The following CRHR2 variants were observed in gnomAD, a reference collection of about 807,000 sequenced individuals.
The protein encoded by CRHR2 is corticotropin-releasing hormone receptor 2.
In CRHR2, 53 loss-of-function variants were observed where a neutral mutation model predicts 57.9. That is an observed-to-expected ratio of 0.92 (90% CI 0.73 to 1.15). CRHR2 has a LOEUF of 1.15. Ranked by LOEUF, CRHR2 falls within the 50% of genes most tolerant of loss-of-function variation. The pLI is 0.00. For missense variants in CRHR2, 532 were observed against 542.6 expected, an observed-to-expected ratio of 0.98 and a Z score of 0.19; for synonymous variants, 213 against 220.9, an observed-to-expected ratio of 0.96 and a Z score of 0.32.
chr7:30,689,193 G>T, exon 2 of CRHR2: 1 of 1,549,550 alleles, frequency 6.5e-7, no homozygotes, highest in South Asian at 1.2e-5. Context: ...GTACCTACCT[G>T]AGAGGTTGGT....
chr7:30,666,974 G>T (rs1437453428), intron 3 of CRHR2, among the ~76,000 whole-genome samples: 3 of 152,182 alleles, frequency 2.0e-5, no homozygotes, highest in Non-Finnish European at 4.4e-5. Flanking sequence ...TTCCCTTTTT[G>T]TGTCACATGC....
chr7:30,691,039 C>T (rs148121328), intron 1 of CRHR2, among the ~76,000 whole-genome samples: 358 of 148,960 alleles, frequency 2.4e-3, no homozygotes, highest in African/African-American at 8.1e-3. Context: ...TCCAGCTTCT[C>T]GGGCATCAGG....
chr7:30,654,853 T>C, intron 11 of CRHR2, 186 bp downstream of exon 11: 1 of 1,546,918 alleles, frequency 6.5e-7, no homozygotes, highest in Non-Finnish European at 8.7e-7. Flanking sequence ...CGGGGCTGCA[T>C]AGTTGACCTT....
upstream of CRHR2, chr7:30,682,570 TCA>T: frequency 8.7e-7 from 1 of 1,151,258 alleles, no homozygotes; most frequent in Non-Finnish European, 1.1e-6. Context: ...TCGGAGGGGC[TCA>T]GTCTCCAGCC....
rs546130607 is a variant in CRHR2 at position 30,653,667 on chromosome 7, C to T, written c.1096-67G>A. 99 of 1,515,288 alleles carry T rather than the reference C, an allele frequency of 6.5e-5. No homozygotes were observed. Among genetic ancestry groups the T allele is most frequent in the Admixed American group, 1.3e-4 (6 of 47,348 alleles). The allele number at this position is 1,515,288 out of a possible 1,614,324, so 93.9% of individuals were successfully genotyped here. A position where few individuals can be genotyped will look rare whatever the true frequency, so the allele number is the denominator to read the frequency against. ...CCCTGGGCTTCTGGGACCATCCCCT[C>T]CTCTGCTTTCTGCTCTCATGGGTCG... On this transcript the variant is annotated intron_variant, in intron 11 of 11. Transcript: ENST00000471646. This position sits in a 1 kb window ranked among gnomAD's most constrained non-coding sequence, Gnocchi z 5.0.
In CRHR2 at chr7:30,682,388, C is replaced by G. The variant is rs1784751771; in HGVS notation, c.-108G>C. ...CCGAGAGGGCGCGGGGTCCTGGCCC[C>G]CGCCAGCCCAGCCCCGATCTCCCGG... On this transcript the variant is annotated 5_prime_UTR_variant, in exon 1 of 12. Transcript: ENST00000471646. The G allele has an allele frequency of 7.2e-7, 1 of 1,391,676 alleles. No individual in the cohort carries two copies. The highest frequency in any genetic ancestry group is 9.3e-7 in the Non-Finnish European group (1 of 1,077,454). 86.2% of individuals were successfully genotyped at this position (1,391,676 alleles called of 1,614,324 possible).
chr7:30,655,172 G>A, intron 10 of CRHR2, 92 bp from the exon 11 acceptor site: 1 of 1,408,548 alleles, frequency 7.1e-7, no homozygotes, highest in Non-Finnish European at 9.8e-7. Context: ...ATGGTGGGGG[G>A]GGGACAATTT....
chr7:30,696,277 A>G (rs1347882739), intron 1 of CRHR2, among the ~76,000 whole-genome samples: 4 of 152,210 alleles, frequency 2.6e-5, no homozygotes, highest in African/African-American at 9.7e-5. Context: ...TAAAAGTATA[A>G]TTAGATTGTC....
chr7:30,687,857 G>A (rs1056473531), intron 2 of CRHR2, among the ~76,000 whole-genome samples: 1 of 152,196 alleles, frequency 6.6e-6, no homozygotes, highest in Non-Finnish European at 1.5e-5. Context: ...CTGAAGGGAG[G>A]GGCCTCCATT....
chr7:30,670,371 C>T (rs985696839), intron 2 of CRHR2, among the ~76,000 whole-genome samples: 7 of 152,224 alleles, frequency 4.6e-5, no homozygotes, highest in African/African-American at 1.2e-4. Context: ...GACTTGAGCT[C>T]CTTGGGGATA....
At chr7:30,664,868 G>A (rs545294772) in intron 5 of CRHR2, among the ~76,000 whole-genome samples, 1 of 152,074 alleles carries the variant, frequency 6.6e-6, no homozygotes, top group South Asian at 2.1e-4. Context: ...CAGAGTGGGG[G>A]CAAGAATGGG....
At position 30,665,483 on chromosome 7, in the gene CRHR2, T is replaced by A; in HGVS notation, c.425+47A>T. 1 of 1,436,586 alleles carries A rather than the reference T, an allele frequency of 7.0e-7. No homozygotes were observed. The highest frequency in any genetic ancestry group is 2.5e-5 in the East Asian group (1 of 40,240). 89.0% of individuals were successfully genotyped at this position (1,436,586 alleles called of 1,614,324 possible). On this transcript the variant is annotated intron_variant, in intron 4 of 11. Transcript: ENST00000471646. This position sits in a 1 kb window ranked among gnomAD's most constrained non-coding sequence, Gnocchi z 4.5. ...TGTCTGGGAGAGGTGAAGGGGGTGCTGTAGGGGGAGGGATGAGGAGAAAGC... is the reference window on the plus strand; with the variant it reads ...TGTCTGGGAGAGGTGAAGGGGGTGCAGTAGGGGGAGGGATGAGGAGAAAGC...
At chr7:30,671,096 G>T (rs553584507) in intron 2 of CRHR2, among the ~76,000 whole-genome samples, 1 of 152,308 alleles carries the variant, frequency 6.6e-6, no homozygotes, top group Non-Finnish European at 1.5e-5. Context: ...CTGTAGTTTT[G>T]TCTCTAGATA....
chr7:30,665,630 AC>A lies in CRHR2; in HGVS notation c.324del (p.Lys108AsnfsTer43), dbSNP rs755052994. On this transcript the variant is annotated frameshift_variant, in exon 4 of 12. Coordinates refer to ENST00000471646, the MANE Select transcript of CRHR2 (RefSeq NM_001883.5). LOFTEE classifies it high-confidence loss of function. The surrounding 1 kb of genome is among the most constrained non-coding windows in gnomAD (Gnocchi z 4.5). ...AGGGCGATGCGGTAGTGCAGGTCAT[AC>A]TTCCTCTGCTGGACAGACAGACATG... ...CEPILDDKQR[K>X]YDLHYRIALV... 1.5e-5 allele frequency: 23 copies of A among 1,556,732 alleles called. 1 individual carries two copies. The Admixed American group carries it at 4.0e-4, about 27-fold the overall frequency.
chr7:30,654,990 G>T, intron 11 of CRHR2, 49 bp downstream of exon 11: 1 of 1,601,280 alleles, frequency 6.2e-7, no homozygotes, highest in East Asian at 2.3e-5. Context: ...CTGGAGTGGG[G>T]TCTGAGGACC....
intron 2 of CRHR2, among the ~76,000 whole-genome samples, chr7:30,675,750 CTG>C (rs1784497360): frequency 6.6e-6 from 1 of 152,230 alleles, no homozygotes; most frequent in African/African-American, 2.4e-5. Context: ...ACTGTCTTCA[CTG>C]TGCTATTTTA....
intron 1 of CRHR2, among the ~76,000 whole-genome samples, chr7:30,689,874 A>G (rs953052122): frequency 6.6e-6 from 1 of 152,250 alleles, no homozygotes; most frequent in Non-Finnish European, 1.5e-5. Context: ...ACCTGGATTC[A>G]GGAAGACAGG....
At chr7:30,658,129 C>G (rs914153323) in intron 8 of CRHR2, among the ~76,000 whole-genome samples, 7 of 152,158 alleles carry the variant, frequency 4.6e-5, no homozygotes, top group African/African-American at 9.7e-5. Flanking sequence ...CCAGCCTCCC[C>G]CTTCACACCA....
intron 1 of CRHR2, among the ~76,000 whole-genome samples, chr7:30,696,444 A>C (rs1260671382): frequency 1.3e-5 from 2 of 152,206 alleles, no homozygotes; most frequent in Non-Finnish European, 2.9e-5. Flanking sequence ...AATTAAGGCC[A>C]GGCGCGGTGG....
Sources: allele counts gnomAD v4.1 joint callset (sites outside exome capture counted in the v4.1 genomes callset), GRCh38; gene constraint gnomAD v4.1.1; non-coding constraint Gnocchi (gnomAD v3.1); transcripts MANE v1.5; gene names NCBI Gene and HGNC (gene_info 2026-07-23, HGNC 2026-07-21).